KHDRBS2: variants seen among roughly 807,000 people sequenced by gnomAD.
KHDRBS2 encodes the protein KH RNA binding domain containing, signal transduction associated 2, also known as KH domain-containing, RNA-binding, signal transduction-associated protein 2.
A neutral mutation model predicts 44.3 loss-of-function variants in KHDRBS2; 26 were observed. The observed-to-expected ratio is 0.59, with a 90% CI of 0.43 to 0.81. The LOEUF is 0.81. Among genes scored for constraint, KHDRBS2 ranks in the 40% least tolerant of loss-of-function variants. The pLI is 0.00. For synonymous variants in KHDRBS2, 194 were observed against 151.1 expected (o/e 1.28, Z -2.08); for missense variants, 476 against 433.1 (o/e 1.10, Z -0.88).
chr6:61,746,048 G>T lies in KHDRBS2; in HGVS notation c.811-13284C>A, dbSNP rs144405898. On this transcript the variant is annotated intron_variant, in intron 6 of 8. Transcript: ENST00000281156. ...CCCAAAAAGATTTTATTTTATTTTA[G>T]TTTAGTTTAGTTTAGTTTAGTTTAG... 9.5e-3 allele frequency among the ~76,000 whole-genome samples: 1,157 copies of T among 122,428 alleles called. 23 individuals are homozygous for T. The highest frequency in any genetic ancestry group is 0.03 in the African/African-American group (968 of 32,228). The allele number at this position is 122,428 out of a possible 152,430, so 80.3% of individuals were successfully genotyped here.
chr6:61,605,090 T>C, the KHDRBS2 span, among the ~76,000 whole-genome samples: 1 of 152,136 alleles, frequency 6.6e-6, no homozygotes, highest in African/African-American at 2.4e-5. Flanking sequence ...GACTGGACAA[T>C]ACTTTTACCA....
intron 5 of KHDRBS2, among the ~76,000 whole-genome samples, chr6:61,896,062 A>G (rs1802885120): frequency 6.6e-6 from 1 of 152,180 alleles, no homozygotes; most frequent in Admixed American, 6.5e-5. Flanking sequence ...AAAGACCCAG[A>G]GGCCCAGTGC....
At chr6:61,823,410 C>A (rs995824630) in intron 6 of KHDRBS2, among the ~76,000 whole-genome samples, 1 of 151,982 alleles carries the variant, frequency 6.6e-6, no homozygotes, top group Non-Finnish European at 1.5e-5. Context: ...ATTCTTTACA[C>A]AAATTTTATG....
the KHDRBS2 span, among the ~76,000 whole-genome samples, chr6:61,563,507 C>A: frequency 6.6e-6 from 1 of 152,058 alleles, no homozygotes; most frequent in South Asian, 2.1e-4. Context: ...TGAATTTTAA[C>A]TGATTGCTGA....
the KHDRBS2 span, among the ~76,000 whole-genome samples, chr6:61,672,054 T>A: frequency 8.3e-6 from 1 of 120,566 alleles, no homozygotes; most frequent in Non-Finnish European, 1.9e-5. Flanking sequence ...TGTCCATGTG[T>A]TCTCTTGTTC....
the KHDRBS2 span, among the ~76,000 whole-genome samples, chr6:61,571,997 A>G: frequency 2.6e-5 from 4 of 152,102 alleles, no homozygotes; most frequent in Non-Finnish European, 5.9e-5. Flanking sequence ...CATTGAAACA[A>G]CAAAAAATAC....
chr6:62,177,135 T>G, intron 2 of KHDRBS2, 50 bp downstream of exon 2: 1 of 1,104,202 alleles, frequency 9.1e-7, no homozygotes, highest in South Asian at 1.7e-5. Context: ...ACCGTCTTCT[T>G]TTATCATTTC....
At chr6:61,923,378 A>G (rs1808401713) in intron 4 of KHDRBS2, among the ~76,000 whole-genome samples, 1 of 152,086 alleles carries the variant, frequency 6.6e-6, no homozygotes, top group Non-Finnish European at 1.5e-5. Flanking sequence ...AATTTAAAGG[A>G]ATTAGAAAAA....
chr6:61,754,098 A>G (rs1462725059), intron 6 of KHDRBS2, among the ~76,000 whole-genome samples: 1 of 152,140 alleles, frequency 6.6e-6, no homozygotes, highest in Admixed American at 6.5e-5. Flanking sequence ...GAACTGCGAG[A>G]GAATAGATTT....
Position 62,124,158 on chromosome 6 carries a change from T to C in KHDRBS2, c.219+53027A>G, listed in dbSNP as rs539216152. Among the ~76,000 whole-genome samples, 23 of 152,322 alleles carry C rather than the reference T, an allele frequency of 1.5e-4. No individual in the cohort carries two copies. The East Asian group carries it at 4.1e-3, about 27-fold the overall frequency. ...ATCAGTACCCCCAGGGATCTGAGCA[T>C]AGCTTCCTACTCTTGCCTGAGAGTG... On this transcript the variant is annotated intron_variant, in intron 2 of 8. Transcript: ENST00000281156.
chr6:62,281,222 A>T (rs1841748461), intron 1 of KHDRBS2, among the ~76,000 whole-genome samples: 1 of 152,162 alleles, frequency 6.6e-6, no homozygotes, highest in African/African-American at 2.4e-5. Context: ...AATGTAACTC[A>T]GCAGTAATCT....
At chr6:62,128,580 T>C (rs1405751905) in intron 2 of KHDRBS2, among the ~76,000 whole-genome samples, 7 of 151,990 alleles carry the variant, frequency 4.6e-5, no homozygotes, top group Admixed American at 4.6e-4. Flanking sequence ...CTTCCTTGAA[T>C]ATTCTCTTTT....
At chr6:61,588,042 GAC>G in the KHDRBS2 span, among the ~76,000 whole-genome samples, 2 of 152,128 alleles carry the variant, frequency 1.3e-5, no homozygotes, top group African/African-American at 2.4e-5. Context: ...TTCTAAGCCA[GAC>G]ACCGTGGCAA....
intron 3 of KHDRBS2, among the ~76,000 whole-genome samples, chr6:62,024,794 T>C (rs906062426): frequency 2.0e-5 from 3 of 151,664 alleles, no homozygotes; most frequent in African/African-American, 7.2e-5. Flanking sequence ...TGTAATTTAA[T>C]GAAAATGCTG....
chr6:62,264,224 T>C (rs534406137), intron 1 of KHDRBS2, among the ~76,000 whole-genome samples: 99 of 151,938 alleles, frequency 6.5e-4, no homozygotes, highest in African/African-American at 2.3e-3. Flanking sequence ...AAATACTAAC[T>C]GATCACTTTA....
At chr6:62,079,731 T>C (rs181787347) in intron 2 of KHDRBS2, among the ~76,000 whole-genome samples, 4 of 152,178 alleles carry the variant, frequency 2.6e-5, no homozygotes, top group Admixed American at 1.3e-4. Context: ...GAAATATTAA[T>C]TGTATTCCTA....
intron 4 of KHDRBS2, among the ~76,000 whole-genome samples, chr6:61,968,116 C>A (rs1562549459): frequency 6.6e-6 from 1 of 151,790 alleles, no homozygotes; most frequent in Non-Finnish European, 1.5e-5. Flanking sequence ...ATAGTATTTT[C>A]TTTTATTCCT....
At chr6:61,860,840 GTAAAAGCAT>G (rs1796847762) in intron 6 of KHDRBS2, among the ~76,000 whole-genome samples, 1 of 152,056 alleles carries the variant, frequency 6.6e-6, no homozygotes, top group Admixed American at 6.6e-5. Context: ...CACCAAAAGT[GTAAAAGCAT>G]TATTTTTTTC....
chr6:61,737,472 A>G (rs1234059035), intron 6 of KHDRBS2, among the ~76,000 whole-genome samples: 1 of 152,170 alleles, frequency 6.6e-6, no homozygotes, highest in Non-Finnish European at 1.5e-5. Flanking sequence ...ACAGTAAACT[A>G]TCATTAGACA....
Sources: gnomAD v4.1 joint callset for allele counts (sites outside exome capture counted in the v4.1 genomes callset) on GRCh38, gnomAD v4.1.1 for gene constraint, MANE v1.5 for transcripts, NCBI Gene and HGNC (gene_info 2026-07-23, HGNC 2026-07-21) for gene names.